RNF145: variants seen among roughly 807,000 people sequenced by gnomAD.
RNF145 encodes the protein ring finger protein 145.
Under a neutral mutation model 57.3 loss-of-function variants are expected in RNF145, and 12 were observed. The observed-to-expected ratio is 0.21, with a 90% CI of 0.13 to 0.34. RNF145 has a LOEUF of 0.34. Ranked by LOEUF, RNF145 falls within the 10% of genes least tolerant of loss-of-function variation. The pLI is 1.00. For synonymous variants in RNF145, 262 were observed against 288.3 expected, an observed-to-expected ratio of 0.91 and a Z score of 0.92; for missense variants, 429 against 799.0, an observed-to-expected ratio of 0.54 and a Z score of 5.58.
intron 9 of RNF145, among the ~76,000 whole-genome samples, chr5:159,162,483 G>T (rs192850410): frequency 2.0e-5 from 3 of 147,858 alleles, no homozygotes; most frequent in African/African-American, 7.6e-5. Context: ...GCCGGACTGC[G>T]GACTGCAGTG....
At chr5:159,162,239 GAATTTAAAA>G (rs1028490883) in intron 9 of RNF145, among the ~76,000 whole-genome samples, 43 of 151,806 alleles carry the variant, frequency 2.8e-4, no homozygotes, top group Non-Finnish European at 5.4e-4. Context: ...TTTTTGAGTG[GAATTTAAAA>G]AACACACTCC....
intron 1 of RNF145, chr5:159,207,358 C>G: frequency 1.5e-6 from 1 of 681,560 alleles, no homozygotes; most frequent in Non-Finnish European, 2.4e-6. Context: ...ACCTCCTAAA[C>G]TTTTTTTTAA....
chr5:159,166,853 G>A (rs906755540), intron 8 of RNF145, among the ~76,000 whole-genome samples: 1 of 152,106 alleles, frequency 6.6e-6, no homozygotes, highest in Non-Finnish European at 1.5e-5. Context: ...TGCCAAGTGT[G>A]GTGGTGTGCA....
rs1215876774 is a variant in RNF145 at position 159,161,626 on chromosome 5, A to G, written c.1270-4T>C. 7.6e-5 allele frequency: 3 copies of G among 39,334 alleles called. No individual in the cohort carries two copies. Among genetic ancestry groups the G allele is most frequent in the Admixed American group, 8.2e-4 (1 of 1,226 alleles). 2.4% of individuals were successfully genotyped at this position (39,334 alleles called of 1,614,324 possible). A position where few individuals can be genotyped will look rare whatever the true frequency, so the allele number is the denominator to read the frequency against. The stretch of plus-strand genomic sequence containing the variant: ...AAATAAAAAGTGTTCCCAGAACCTG[A>G]AAAAAAAAAAAAAATGTACGTATCT... On this transcript the variant is annotated splice_polypyrimidine_tract_variant and splice_region_variant and intron_variant, in intron 9 of 10. Transcript: ENST00000424310.
chr5:159,196,029 C>T (rs1158397246), intron 2 of RNF145, among the ~76,000 whole-genome samples: 1 of 152,098 alleles, frequency 6.6e-6, no homozygotes, highest in African/African-American at 2.4e-5. Context: ...TCATGTGTTA[C>T]CCTTCCATTC....
intron 1 of RNF145, chr5:159,207,822 A>C (rs759814169): frequency 1.9e-6 from 3 of 1,614,202 alleles, no homozygotes; most frequent in Admixed American, 1.7e-5. Flanking sequence ...AAAGACAGGG[A>C]GTCTACTCTG....
chr5:159,203,416 T>C lies in RNF145; in HGVS notation c.184+18A>G, dbSNP rs373974633. On this transcript the variant is annotated intron_variant, in intron 2 of 10. Transcript: ENST00000424310. ...GAATGCTCACTAGAAGATTAGAAAA[T>C]GTGATGTAGACACTCACCTACATAA... 5.4e-6 allele frequency: 8 copies of C among 1,494,208 alleles called. No individual in the cohort carries two copies. The highest frequency in any genetic ancestry group is 1.4e-5 in the African/African-American group (1 of 72,250). The allele number at this position is 1,494,208 out of a possible 1,614,324, so 92.6% of individuals were successfully genotyped here. A position where few individuals can be genotyped will look rare whatever the true frequency, so the allele number is the denominator to read the frequency against.
intron 3 of RNF145, among the ~76,000 whole-genome samples, chr5:159,189,061 T>A (rs1785186583): frequency 6.6e-6 from 1 of 152,178 alleles, no homozygotes; most frequent in African/African-American, 2.4e-5. Flanking sequence ...ATAACTAGAT[T>A]GCAGTGAATG....
intron 4 of RNF145, among the ~76,000 whole-genome samples, chr5:159,177,669 G>A (rs572113648): frequency 4.0e-5 from 6 of 151,876 alleles, no homozygotes; most frequent in Non-Finnish European, 8.8e-5. Flanking sequence ...ATTCTCTTAG[G>A]CTAGGAATTA....
chr5:159,207,723 T>C, intron 1 of RNF145: 2 of 1,613,354 alleles, frequency 1.2e-6, no homozygotes, highest in Non-Finnish European at 1.7e-6. Context: ...TCCTCCCCAC[T>C]CCCACTCCTT....
chr5:159,194,430 C>T (rs1028632827), intron 3 of RNF145, among the ~76,000 whole-genome samples: 4 of 152,108 alleles, frequency 2.6e-5, no homozygotes, highest in Non-Finnish European at 4.4e-5. Context: ...CCTCCCAAAG[C>T]GCTGGGATTA....
intron 2 of RNF145, among the ~76,000 whole-genome samples, chr5:159,202,510 A>G (rs1397327865): frequency 2.6e-5 from 4 of 152,228 alleles, no homozygotes; most frequent in East Asian, 3.9e-4. Flanking sequence ...TCTTTCCACA[A>G]CAGCTTACCT....
chr5:159,161,218 G>T, intron 10 of RNF145, 48 bp downstream of exon 10: 1 of 1,221,614 alleles, frequency 8.2e-7, no homozygotes, highest in South Asian at 1.3e-5. Context: ...CAGTCCCAAG[G>T]GATACACTGT....
chr5:159,191,122 A>C (rs1443229057), intron 3 of RNF145, among the ~76,000 whole-genome samples: 4 of 152,020 alleles, frequency 2.6e-5, no homozygotes, highest in African/African-American at 9.7e-5. Flanking sequence ...TGTTTTAAGA[A>C]AGTTCACGAA....
At position 159,163,854 on chromosome 5, in the gene RNF145, T is replaced by C. The variant is rs934690866; in HGVS notation, c.1122-775A>G. The stretch of plus-strand genomic sequence containing the variant: ...CCTCTCAGCAAAACACAAGCACTCT[T>C]ACGTCCCACTAGAAATTCCTCCATC... On this transcript the variant is annotated intron_variant, in intron 8 of 10. Transcript: ENST00000424310. Among the ~76,000 whole-genome samples the C allele has an allele frequency of 4.6e-5, 7 of 152,318 alleles. No individual in the cohort carries two copies. In the East Asian group the frequency reaches 1.3e-3, roughly 29 times the overall value.
At chr5:159,163,137 C>T in intron 8 of RNF145, 58 bp from the exon 9 acceptor site, 2 of 1,468,330 alleles carry the variant, frequency 1.4e-6, no homozygotes, top group Non-Finnish European at 1.8e-6. Context: ...CACAACCACT[C>T]ACATCAGCAG....
chr5:159,209,522 T>A lies in RNF145; in HGVS notation c.-331A>T. The A allele has an allele frequency of 4.4e-5, 6 of 135,350 alleles. No individual in the cohort carries two copies. The highest frequency in any genetic ancestry group is 5.4e-5 in the Non-Finnish European group (6 of 110,870). The allele number at this position is 135,350 out of a possible 1,614,324, so 8.4% of individuals were successfully genotyped here. A position where few individuals can be genotyped will look rare whatever the true frequency, so the allele number is the denominator to read the frequency against. ...GCCGGCGTCGGCGGCCATGGCCTCCTGCGTTTGCTCCTCCCGCCCCCGGCG... is the reference window on the plus strand; with the variant it reads ...GCCGGCGTCGGCGGCCATGGCCTCCAGCGTTTGCTCCTCCCGCCCCCGGCG... On this transcript the variant is annotated 5_prime_UTR_variant, in exon 1 of 11. Transcript: ENST00000424310.
chr5:159,209,653 C>G (rs1042856609), upstream of RNF145: 2 of 978,774 alleles, frequency 2.0e-6, no homozygotes, highest in East Asian at 3.4e-5. Flanking sequence ...CAATCGCGCC[C>G]GCGGAGTGCT....
rs376386879 is a variant in RNF145 at position 159,181,952 on chromosome 5, A to G, written c.385+8T>C. 1 of 1,520,196 alleles carries G rather than the reference A, an allele frequency of 6.6e-7. No individual in the cohort carries two copies. The highest frequency in any genetic ancestry group is 9.1e-7 in the Non-Finnish European group (1 of 1,096,642). The allele number at this position is 1,520,196 out of a possible 1,614,324, so 94.2% of individuals were successfully genotyped here. A position where few individuals can be genotyped will look rare whatever the true frequency, so the allele number is the denominator to read the frequency against. ...CTACCTACACTTTAATTCTTTTATA[A>G]TACTTACCTATTAAGGCTGTGGTAA... On this transcript the variant is annotated splice_region_variant and intron_variant, in intron 4 of 10. Transcript: ENST00000424310.
Sources: gnomAD v4.1 joint callset for allele counts (sites outside exome capture counted in the v4.1 genomes callset) on GRCh38, gnomAD v4.1.1 for gene constraint, MANE v1.5 for transcripts, NCBI Gene and HGNC (gene_info 2026-07-23, HGNC 2026-07-21) for gene names.